The following ACSF3 variants were observed in gnomAD, a reference collection of about 807,000 sequenced individuals.
ACSF3 encodes acyl-CoA synthetase family member 3.
ACSF3 carries 78 observed loss-of-function variants against 53.2 expected under a neutral mutation model. The observed-to-expected ratio is 1.47, with a 90% CI of 1.22 to 1.77. ACSF3 has a LOEUF of 1.77. Among genes scored for constraint, ACSF3 ranks in the 40% most tolerant of loss-of-function variants. ACSF3 has a pLI of 0.00. For synonymous variants in ACSF3, 414 were observed against 333.1 expected (o/e 1.24, Z -2.65); for missense variants, 937 against 771.1 (o/e 1.22, Z -2.55).
At chr16:89,104,655 G>A (rs1231963703) in intron 4 of ACSF3, among the ~76,000 whole-genome samples, 1 of 152,212 alleles carries the variant, frequency 6.6e-6, no homozygotes, top group Admixed American at 6.5e-5. Flanking sequence ...TCTCTGCAGG[G>A]CATCCAGCCC....
chr16:89,109,004 A>T (rs1006256532), intron 4 of ACSF3, among the ~76,000 whole-genome samples: 13 of 152,080 alleles, frequency 8.5e-5, no homozygotes, highest in Admixed American at 7.2e-4. Context: ...AGGCCGAGGC[A>T]GGTGGATCAC....
chr16:89,094,445 G>A (rs550296634), intron 1 of ACSF3, among the ~76,000 whole-genome samples: 2 of 152,348 alleles, frequency 1.3e-5, no homozygotes, highest in African/African-American at 4.8e-5. Context: ...AGCCCCTGAG[G>A]GCATGTAGAT....
chr16:89,132,557 A>G (rs1333768842), intron 7 of ACSF3, among the ~76,000 whole-genome samples: 1 of 152,244 alleles, frequency 6.6e-6, no homozygotes, highest in Non-Finnish European at 1.5e-5. Context: ...TGCATGCTTA[A>G]CAGGGGCCTC....
chr16:89,124,401 TCA>T (rs998287797), intron 7 of ACSF3, among the ~76,000 whole-genome samples: 3 of 72,372 alleles, frequency 4.1e-5, no homozygotes, highest in Non-Finnish European at 1.1e-4. Context: ...TGTGCACTGC[TCA>T]TGTGTGTGTT....
At chr16:89,137,563 T>C (rs35209748) in intron 8 of ACSF3, among the ~76,000 whole-genome samples, 135 of 114,266 alleles carry the variant, frequency 1.2e-3, no homozygotes, top group African/African-American at 1.4e-3. Context: ...GCCCCAGGTC[T>C]CGGGAGGACC....
At chr16:89,147,762 A>G (rs2151571501) in intron 10 of ACSF3, 1 of 152,306 alleles carries the variant, frequency 6.6e-6, no homozygotes, top group South Asian at 2.1e-4. Context: ...GATCCAAACC[A>G]TATCGTTCCT....
Position 89,114,422 on chromosome 16 carries a change from G to A in ACSF3, c.1061G>A (p.Arg354Gln), listed in dbSNP as rs544775512. ...ATCACGGGCCACACCCTGCTGGAGC[G>A]GTATGGCATGACCGAGATCGGCATG... ...KNITGHTLLE[R>Q]YGMTEIGMAL... Residue 354 changes from arginine (R) to glutamine (Q), a missense_variant, in exon 6 of 11, where the codon CGG (arginine) becomes CAG (glutamine). Physicochemically the swap from Arg to Gln is conservative, Grantham distance 43 (BLOSUM62 1). Coordinates refer to ENST00000614302, the MANE Select transcript of ACSF3 (RefSeq NM_001243279.3). 2.4e-5 allele frequency: 38 copies of A among 1,613,874 alleles called. 1 individual carries two copies. Among genetic ancestry groups the A allele is most frequent in the South Asian group, 1.8e-4 (16 of 91,078 alleles).
chr16:89,131,659 C>T (rs1044327818), intron 7 of ACSF3, among the ~76,000 whole-genome samples: 2 of 151,786 alleles, frequency 1.3e-5, no homozygotes, highest in African/African-American at 4.9e-5. Flanking sequence ...AAAGTCTGAC[C>T]CTCCTTCCCT....
Position 89,154,874 on chromosome 16 carries a change from C to T in ACSF3, c.*667C>T. On this transcript the variant is annotated 3_prime_UTR_variant, in exon 11 of 11. Transcript: ENST00000614302. ...GTGGACGGATGGCCCCGGAGCTGCT[C>T]TGCCGTGACCCTGCCTCACCCCCCA... The T allele has an allele frequency of 2.2e-6, 1 of 454,136 alleles. No homozygotes were observed. The highest frequency in any genetic ancestry group is 1.6e-5 in the South Asian group (1 of 64,478). 28.1% of individuals were successfully genotyped at this position (454,136 alleles called of 1,614,324 possible).
At chr16:89,101,560 T>A (rs1453305944) in intron 3 of ACSF3, among the ~76,000 whole-genome samples, 5 of 151,964 alleles carry the variant, frequency 3.3e-5, no homozygotes, top group Non-Finnish European at 7.4e-5. Context: ...AGCGTCCAGG[T>A]GTAGAGGGAT....
intron 10 of ACSF3, chr16:89,148,690 A>T (rs1409214971): frequency 2.0e-5 from 3 of 152,112 alleles, no homozygotes; most frequent in Non-Finnish European, 4.4e-5. Flanking sequence ...GGGGGCTCCA[A>T]CCCCATCTTT....
Position 89,142,545 on chromosome 16 carries a change from C to G in ACSF3, c.1367-2722C>G, listed in dbSNP as rs373794229. Among the ~76,000 whole-genome samples, 767 of 151,298 alleles carry G rather than the reference C, an allele frequency of 5.1e-3. 6 individuals carry two copies. Among genetic ancestry groups the G allele is most frequent in the Non-Finnish European group, 8.1e-3 (549 of 67,836 alleles). On this transcript the variant is annotated intron_variant, in intron 8 of 10. Transcript: ENST00000614302. ...CCCACACCTGCAGACACACCCACAC[C>G]TGCAGACACACCCACACCTGCAGAC...
intron 7 of ACSF3, 73 bp from the exon 8 acceptor site, chr16:89,133,063 C>G (rs1161612657): frequency 1.2e-6 from 2 of 1,607,660 alleles, no homozygotes; most frequent in Non-Finnish European, 1.7e-6. Context: ...AGGGAGCAGC[C>G]CACAGTTTCA....
intron 10 of ACSF3, chr16:89,151,264 T>C (rs1348572570): frequency 2.2e-6 from 1 of 448,572 alleles, no homozygotes; most frequent in Non-Finnish European, 4.5e-6. Flanking sequence ...AATTTAAAAC[T>C]GCAAAGCAAA....
rs540830131 is a variant in ACSF3 at position 89,096,840 on chromosome 16, C to G, written c.-193-1751C>G. Among the ~76,000 whole-genome samples, 4 of 152,320 alleles carry G rather than the reference C, an allele frequency of 2.6e-5. No homozygotes were observed. In the South Asian group the frequency reaches 8.3e-4, roughly 32 times the overall value. On this transcript the variant is annotated intron_variant, in intron 1 of 10. Transcript: ENST00000614302. ...CTGCCCGTGGCCTCTCCTCATAGCG[C>G]GTGGGCTCTCTGGGAGCTGGGACCA...
Position 89,145,530 on chromosome 16 carries a change from T to G in ACSF3, c.1501+129T>G. Reference sequence around the variant, plus strand: ...TGCAGGGGTCCCTGTGATGCTCACCTCTGGTCCCTGCCCTGGCCAGGGAAC... The same window carrying G: ...TGCAGGGGTCCCTGTGATGCTCACCGCTGGTCCCTGCCCTGGCCAGGGAAC... On this transcript the variant is annotated intron_variant, in intron 9 of 10. Transcript: ENST00000614302. The G allele has an allele frequency of 2.5e-6, 3 of 1,178,106 alleles. No individual in the cohort carries two copies. The East Asian group carries it at 7.6e-5, about 30-fold the overall frequency. The allele number at this position is 1,178,106 out of a possible 1,614,324, so 73.0% of individuals were successfully genotyped here.
chr16:89,137,826 G>A (rs767104146), intron 8 of ACSF3, among the ~76,000 whole-genome samples: 2 of 152,200 alleles, frequency 1.3e-5, no homozygotes, highest in Non-Finnish European at 2.9e-5. Context: ...CAGCCTCCCA[G>A]GCCCTCCACG....
intron 8 of ACSF3, among the ~76,000 whole-genome samples, chr16:89,137,839 C>T (rs1360688563): frequency 6.6e-6 from 1 of 152,168 alleles, no homozygotes; most frequent in African/African-American, 2.4e-5. Flanking sequence ...CCTCCACGTG[C>T]TCATGGGCAC....
chr16:89,115,178 C>G (rs894766261), intron 6 of ACSF3: 1 of 162,222 alleles, frequency 6.2e-6, no homozygotes, highest in African/African-American at 2.4e-5. Context: ...GAGACCATCC[C>G]GCACATCTGT....
Sources: gnomAD v4.1 joint callset for allele counts (sites outside exome capture counted in the v4.1 genomes callset) on GRCh38, gnomAD v4.1.1 for gene constraint, MANE v1.5 for transcripts, NCBI Gene and HGNC (gene_info 2026-07-23, HGNC 2026-07-21) for gene names.